The following NELFA variants were observed in gnomAD, a reference collection of about 807,000 sequenced individuals.
The protein encoded by NELFA is negative elongation factor A.
Under a neutral mutation model 51.8 loss-of-function variants are expected in NELFA, and 35 were observed. The ratio of observed to expected loss-of-function variants is 0.68; its 90% confidence interval spans 0.52 to 0.90. The LOEUF (loss-of-function observed/expected upper bound fraction) is 0.90, where lower values mean the gene tolerates loss of function less well. Ranked by LOEUF, NELFA falls within the 40% of genes least tolerant of loss-of-function variation. The probability of loss-of-function intolerance (pLI) is 0.00; values close to 1 mark genes in which losing one functional copy is unlikely to be tolerated. For missense variants in NELFA, 658 were observed against 746.4 expected (o/e 0.88, Z 1.38); for synonymous variants, 417 against 338.4 (o/e 1.23, Z -2.55).
In NELFA at chr4:1,988,027, T is replaced by C. The variant is rs772118714; in HGVS notation, c.545-20A>G. ...CCGTGGCTGGAAGGAAGAGGTCACA[T>C]ATGTCAGGGATCCTCAGAGCGAGAG... On this transcript the variant is annotated intron_variant, in intron 3 of 10. Transcript: ENST00000382882. 19 of 1,601,458 alleles carry C rather than the reference T, an allele frequency of 1.2e-5. No homozygotes were observed. The highest frequency in any genetic ancestry group is 1.4e-5 in the Non-Finnish European group (16 of 1,174,874).
intron 1 of NELFA, among the ~76,000 whole-genome samples, chr4:2,000,004 A>G (rs1307360786): frequency 6.6e-6 from 1 of 152,180 alleles, no homozygotes; most frequent in Non-Finnish European, 1.5e-5. Context: ...AAATTGAACA[A>G]CCTGCTCCTG....
At chr4:1,991,969 C>T in intron 1 of NELFA, 1 of 445,362 alleles carries the variant, frequency 2.2e-6, no homozygotes, top group Non-Finnish European at 4.0e-6. Flanking sequence ...TCCCACCTCC[C>T]AGCAGCACCC....
rs781426391 is a variant in NELFA, at chr4:1,986,911, G to A, written c.635-509C>T. On this transcript the variant is annotated intron_variant, in intron 4 of 10. Coordinates refer to ENST00000382882, the MANE Select transcript of NELFA (RefSeq NM_005663.5). ...CGGGGGATGGTGCCATCAGCACACC[G>A]GGCCAGGCTGGACACACTGCTCAAC... 3.8e-4 allele frequency among the ~76,000 whole-genome samples: 58 copies of A among 152,238 alleles called. No individual in the cohort carries two copies. In the Middle Eastern group the frequency reaches 0.01, roughly 27 times the overall value.
At position 1,983,256 on chromosome 4, in the gene NELFA, A is replaced by C; in HGVS notation, c.*63T>G. On this transcript the variant is annotated 3_prime_UTR_variant, in exon 11 of 11. Transcript: ENST00000382882. ...AGGTGTCCGCCATCCGGTTACTTTA[A>C]GCTGGCAAAGCCATCGTCCCGTGGA... 2 of 1,532,844 alleles carry C rather than the reference A, an allele frequency of 1.3e-6. No individual in the cohort carries two copies. Among genetic ancestry groups the C allele is most frequent in the South Asian group, 2.5e-5 (2 of 80,482 alleles). The allele number at this position is 1,532,844 out of a possible 1,614,324, so 95.0% of individuals were successfully genotyped here. A position where few individuals can be genotyped will look rare whatever the true frequency, so the allele number is the denominator to read the frequency against.
intron 4 of NELFA, 76 bp from the exon 5 acceptor site, chr4:1,986,478 A>AC: frequency 6.2e-7 from 1 of 1,603,696 alleles, no homozygotes; most frequent in Non-Finnish European, 8.5e-7. Context: ...AGAACGTCCC[A>AC]CCCTCTTCTA....
In NELFA at chr4:1,983,712, G is replaced by A. The variant is rs1320913672; in HGVS notation, c.1303-17C>T. 4.3e-6 allele frequency: 7 copies of A among 1,613,024 alleles called. No homozygotes were observed. Reference sequence around the variant, plus strand: ...CTGCTCTCTCTACAGCGGGGAGAGGGGTGTGGGTGCCAGGGCCCCGCCAGG... The same window carrying A: ...CTGCTCTCTCTACAGCGGGGAGAGGAGTGTGGGTGCCAGGGCCCCGCCAGG... On this transcript the variant is annotated splice_polypyrimidine_tract_variant and intron_variant, in intron 9 of 10. Transcript: ENST00000382882.
Position 1,992,057 on chromosome 4 carries a change from T to C in NELFA, c.211-342A>G, listed in dbSNP as rs189739768. 1.3e-3 allele frequency: 303 copies of C among 235,662 alleles called. 1 individual carries two copies. The highest frequency in any genetic ancestry group is 6.5e-3 in the African/African-American group (282 of 43,160). The allele number at this position is 235,662 out of a possible 1,614,324, so 14.6% of individuals were successfully genotyped here. On this transcript the variant is annotated intron_variant, in intron 1 of 10. Coordinates refer to ENST00000382882, the MANE Select transcript of NELFA (RefSeq NM_005663.5). ...GGTGAGAAGCCGGGGCCACCACTGC[T>C]CCCGCAGAAAGCCTGCGGGTGGGAA... is the stretch of plus-strand genomic sequence containing the variant.
intron 7 of NELFA, among the ~76,000 whole-genome samples, chr4:1,985,450 G>T (rs1308945612): frequency 6.6e-6 from 1 of 151,972 alleles, no homozygotes; most frequent in Non-Finnish European, 1.5e-5. Context: ...GGCCTGTCCT[G>T]CACCCATTCA....
At position 1,985,809 on chromosome 4, in the gene NELFA, G is replaced by A. The variant is rs377513283; in HGVS notation, c.891C>T (p.Thr297=). ...AKEETVVENA[T]PDYAAGLVST... ...ACACCAGGCCGGCTGCGTAGTCCGG[G>A]GTGGCGTTCTCCACCACCGTTTCCT... The change falls in exon 7 of 11, where the codon ACC becomes ACT. Residue 297 remains threonine, a synonymous_variant. Coordinates refer to ENST00000382882, the MANE Select transcript of NELFA (RefSeq NM_005663.5). The A allele has an allele frequency of 1.2e-6, 2 of 1,613,300 alleles. No homozygotes were observed. The highest frequency in any genetic ancestry group is 1.7e-6 in the Non-Finnish European group (2 of 1,179,780).
In NELFA at chr4:1,983,642, C is replaced by T. The variant is rs545282720; in HGVS notation, c.1356G>A (p.Thr452=). Residue 452 remains threonine, a synonymous_variant, in exon 10 of 11, where the codon ACG becomes ACA. Transcript: ENST00000382882. The stretch of plus-strand genomic sequence containing the variant: ...CCAGGATGAGGGCCTTCTCGGGCCG[C>T]GTGACTTTGTTGGCCGTCTTGAACA... ...QEMFKTANKV[T]RPEKALILGF... is the part of the protein sequence containing the mutation. The T allele has an allele frequency of 1.3e-5, 21 of 1,614,104 alleles. No individual in the cohort carries two copies. The highest frequency in any genetic ancestry group is 1.6e-4 in the Middle Eastern group (1 of 6,062).
chr4:1,992,985 C>CCGA (rs1031557376), intron 1 of NELFA, among the ~76,000 whole-genome samples: 3 of 152,206 alleles, frequency 2.0e-5, no homozygotes, highest in African/African-American at 7.2e-5. Flanking sequence ...CGACGCCCGC[C>CCGA]CGAGCTGAGT....
intron 7 of NELFA, 62 bp downstream of exon 7, chr4:1,985,714 C>G: frequency 1.5e-6 from 2 of 1,346,230 alleles, no homozygotes; most frequent in Non-Finnish European, 2.1e-6. Flanking sequence ...CTAGTGGCCA[C>G]AATCGGAACA....
At chr4:1,998,199 A>G (rs1009232055) in intron 1 of NELFA, among the ~76,000 whole-genome samples, 1 of 152,172 alleles carries the variant, frequency 6.6e-6, no homozygotes, top group Non-Finnish European at 1.5e-5. Flanking sequence ...GAATCAACGA[A>G]AAAATGCTGA....
intron 1 of NELFA, among the ~76,000 whole-genome samples, chr4:2,000,690 G>A (rs991440633): frequency 4.6e-5 from 7 of 152,142 alleles, no homozygotes; most frequent in Non-Finnish European, 1.0e-4. Context: ...AGGACCAGAC[G>A]GACTCACAGC....
In NELFA at chr4:1,986,375, G is replaced by T. The variant is rs761072900; in HGVS notation, c.662C>A (p.Ala221Glu). The T allele has an allele frequency of 1.4e-5, 22 of 1,611,094 alleles. No homozygotes were observed. The highest frequency in any genetic ancestry group is 1.8e-5 in the Non-Finnish European group (21 of 1,178,968). ...TTPLKGIPKQ[A>E]PFRSPTAPSV... ...GGGCGCCGTGGGGCTTCTGAAGGGC[G>T]CCTGCTTCGGGATGCCTTTGAGTGG... is the stretch of plus-strand genomic sequence containing the variant. Residue 221 changes from alanine to glutamate, a missense_variant, in exon 5 of 11, where the codon GCG becomes GAG. Physicochemically the swap from Ala to Glu is moderately radical, Grantham distance 107. Transcript: ENST00000382882.
chr4:1,993,358 G>C (rs1272038457), intron 1 of NELFA, among the ~76,000 whole-genome samples: 1 of 152,130 alleles, frequency 6.6e-6, no homozygotes, highest in Non-Finnish European at 1.5e-5. Flanking sequence ...GAGGCGGGCG[G>C]CTCACGAGGT....
At chr4:1,996,165 A>G (rs1337953292) in intron 1 of NELFA, among the ~76,000 whole-genome samples, 3 of 152,236 alleles carry the variant, frequency 2.0e-5, no homozygotes, top group South Asian at 2.1e-4. Context: ...TTAAATTTCA[A>G]ACGACTAAAA....
At chr4:1,993,169 TA>T (rs1177597882) in intron 1 of NELFA, among the ~76,000 whole-genome samples, 1 of 152,130 alleles carries the variant, frequency 6.6e-6, no homozygotes, top group Non-Finnish European at 1.5e-5. Flanking sequence ...ATGGTAAGGA[TA>T]AAAAAAGTCG....
Position 1,985,766 on chromosome 4 carries a change from C to T in NELFA, c.924+10G>A, listed in dbSNP as rs375602072. On this transcript the variant is annotated intron_variant, in intron 7 of 10. Coordinates refer to ENST00000382882, the MANE Select transcript of NELFA (RefSeq NM_005663.5). ...TGGTGCCAGACATGGGGTGCAGCCC[C>T]GAGCCCTACCTGCGTGGACACCAGG... 1.0e-4 allele frequency: 167 copies of T among 1,612,050 alleles called. 1 individual carries two copies. The highest frequency in any genetic ancestry group is 7.1e-4 in the African/African-American group (53 of 75,036).
Sources: allele counts gnomAD v4.1 joint callset (sites outside exome capture counted in the v4.1 genomes callset), GRCh38; gene constraint gnomAD v4.1.1; transcripts MANE v1.5; gene names NCBI Gene and HGNC (gene_info 2026-07-23, HGNC 2026-07-21).